The following ZC3H18 variants were observed in gnomAD, a reference collection of about 807,000 sequenced individuals.
ZC3H18 encodes zinc finger CCCH-type containing 18, also known as zinc finger CCCH domain-containing protein 18.
A neutral mutation model predicts 106.1 loss-of-function variants in ZC3H18; 8 were observed. That is an observed-to-expected ratio of 0.08 (90% CI 0.04 to 0.14). ZC3H18 has a LOEUF of 0.14. Among genes scored for constraint, ZC3H18 ranks in the 10% least tolerant of loss-of-function variants. ZC3H18 has a pLI of 1.00. For missense variants in ZC3H18, 1,318 were observed against 1,278.4 expected (o/e 1.03, Z -0.47); for synonymous variants, 635 against 522.1 (o/e 1.22, Z -2.95).
intron 8 of ZC3H18, among the ~76,000 whole-genome samples, chr16:88,613,752 G>A (rs540303150): frequency 1.1e-4 from 16 of 152,298 alleles, no homozygotes; most frequent in African/African-American, 3.6e-4. Context: ...TTCATGATGT[G>A]CAGTTCCAAT....
At chr16:88,578,598 G>A (rs1314382099) in intron 2 of ZC3H18, among the ~76,000 whole-genome samples, 1 of 152,082 alleles carries the variant, frequency 6.6e-6, no homozygotes, top group East Asian at 1.9e-4. Context: ...GCGGTGAAGA[G>A]TGTCTGCCGA....
chr16:88,601,228 T>C (rs2142695892), intron 6 of ZC3H18, among the ~76,000 whole-genome samples: 1 of 152,358 alleles, frequency 6.6e-6, no homozygotes, highest in South Asian at 2.1e-4. Flanking sequence ...AATTAAGTTT[T>C]GTGTGGAATG....
At chr16:88,612,207 G>A in intron 8 of ZC3H18, among the ~76,000 whole-genome samples, 1 of 152,174 alleles carries the variant, frequency 6.6e-6, no homozygotes, top group East Asian at 1.9e-4. Context: ...GGCGTCAGTG[G>A]ACATTAGAGT....
intron 1 of ZC3H18, 135 bp from the exon 2 acceptor site, chr16:88,576,975 G>C: frequency 2.5e-6 from 2 of 809,888 alleles, no homozygotes; most frequent in Non-Finnish European, 3.7e-6. Context: ...TCTGCAGAGT[G>C]GAGTGTGGGA....
intron 2 of ZC3H18, among the ~76,000 whole-genome samples, chr16:88,584,744 T>C (rs1385289662): frequency 2.0e-5 from 3 of 152,344 alleles, no homozygotes; most frequent in South Asian, 2.1e-4. Context: ...GGGTCCTCCC[T>C]CCAATCTTAA....
intron 4 of ZC3H18, 40 bp from the exon 5 acceptor site, chr16:88,598,580 G>A: frequency 6.4e-7 from 1 of 1,574,708 alleles, no homozygotes; most frequent in Non-Finnish European, 8.7e-7. Context: ...ACACTTGAAA[G>A]TTTTACTTTC....
chr16:88,599,753 T>G (rs768789814), intron 5 of ZC3H18, 38 bp from the exon 6 acceptor site: 13 of 1,588,400 alleles, frequency 8.2e-6, no homozygotes, highest in Non-Finnish European at 1.1e-5. Flanking sequence ...CGCCCGGTAT[T>G]CTGTTCCATG....
intron 6 of ZC3H18, among the ~76,000 whole-genome samples, chr16:88,605,645 C>A (rs1347462218): frequency 6.6e-6 from 1 of 152,234 alleles, no homozygotes; most frequent in Non-Finnish European, 1.5e-5. Context: ...TATTGCATAA[C>A]CCTTAGATTA....
intron 12 of ZC3H18, 80 bp downstream of exon 12, chr16:88,624,825 G>T: frequency 6.7e-7 from 1 of 1,496,380 alleles, no homozygotes. Context: ...TGGAAATCCA[G>T]AGTGCCAGGG....
chr16:88,614,653 GT>G (rs1567593986), intron 8 of ZC3H18, among the ~76,000 whole-genome samples: 1 of 152,214 alleles, frequency 6.6e-6, no homozygotes, highest in Non-Finnish European at 1.5e-5. Context: ...TATTTCAGAT[GT>G]TTTTAATCCT....
rs1285997635 is a variant in ZC3H18, at chr16:88,630,759, CCCCCCCACA to C, written c.2663+180_2663+188del. 2.1e-4 allele frequency among the ~76,000 whole-genome samples: 23 copies of C among 107,158 alleles called. 5 individuals are homozygous for C. The highest frequency in any genetic ancestry group is 3.8e-4 in the South Asian group (1 of 2,654). 70.3% of individuals were successfully genotyped at this position (107,158 alleles called of 152,430 possible). ...GCGAATTGCAGCCCCACCCCCCACC[CCCCCCCACA>C]CACACACACACGCTCCTGCCCTGGT... is the stretch of plus-strand genomic sequence containing the variant. On this transcript the variant is annotated intron_variant, in intron 17 of 17. Transcript: ENST00000301011.
At chr16:88,593,176 C>G (rs145615517) in intron 3 of ZC3H18, among the ~76,000 whole-genome samples, 2 of 152,194 alleles carry the variant, frequency 1.3e-5, no homozygotes, top group South Asian at 4.1e-4. Context: ...CATGATGACA[C>G]GGAGGCCCTG....
chr16:88,577,222 G>C lies in ZC3H18; in HGVS notation c.99G>C (p.Gly33=), dbSNP rs2142532514. The C allele has an allele frequency of 6.2e-7, 1 of 1,613,362 alleles. No homozygotes were observed. Among genetic ancestry groups the C allele is most frequent in the East Asian group, 2.2e-5 (1 of 44,880 alleles). Residue 33 remains glycine, a synonymous_variant, in exon 2 of 18, where the codon GGG becomes GGC. Transcript: ENST00000301011. Reference sequence around the variant, plus strand: ...ACGATGACATTCTGAGGGACAGCGGGTCCGATCAGGATTTGGACGGGGCGG... The same window carrying C: ...ACGATGACATTCTGAGGGACAGCGGCTCCGATCAGGATTTGGACGGGGCGG... ...LSDDDILRDS[G]SDQDLDGAGV...
intron 6 of ZC3H18, among the ~76,000 whole-genome samples, chr16:88,607,201 G>C (rs1054409832): frequency 3.9e-5 from 6 of 152,128 alleles, no homozygotes; most frequent in Non-Finnish European, 8.8e-5. Flanking sequence ...GGCGTGCCTG[G>C]GTCTGCCTCT....
At chr16:88,606,212 G>T (rs1905002183) in intron 6 of ZC3H18, among the ~76,000 whole-genome samples, 1 of 152,234 alleles carries the variant, frequency 6.6e-6, no homozygotes, top group Non-Finnish European at 1.5e-5. Flanking sequence ...TTTTTAAATT[G>T]AATTAAATAC....
Position 88,631,502 on chromosome 16 carries a change from C to T in ZC3H18, c.*203C>T. 1.4e-6 allele frequency: 1 copy of T among 714,316 alleles called. No individual in the cohort carries two copies. Among genetic ancestry groups the T allele is most frequent in the Middle Eastern group, 2.4e-4 (1 of 4,236 alleles). The allele number at this position is 714,316 out of a possible 1,614,324, so 44.2% of individuals were successfully genotyped here. A position where few individuals can be genotyped will look rare whatever the true frequency, so the allele number is the denominator to read the frequency against. Reference sequence around the variant, plus strand: ...CTCCCTCCCCAGAGCAGAAGTCCCGCAGGACAGACAGACACAGACAGCGCT... The same window carrying T: ...CTCCCTCCCCAGAGCAGAAGTCCCGTAGGACAGACAGACACAGACAGCGCT... On this transcript the variant is annotated 3_prime_UTR_variant, in exon 18 of 18. Coordinates refer to ENST00000301011, the MANE Select transcript of ZC3H18 (RefSeq NM_144604.4).
rs8043629 is a variant in ZC3H18, at chr16:88,594,954, C to T, written c.689-3224C>T. Reference sequence around the variant, plus strand: ...ATCACCTGAGGTCGCAAGCTCAAGACTAGCCTGACCAACATGGAGAAACCT... The same window carrying T: ...ATCACCTGAGGTCGCAAGCTCAAGATTAGCCTGACCAACATGGAGAAACCT... On this transcript the variant is annotated intron_variant, in intron 3 of 17. Transcript: ENST00000301011. 9.8e-3 allele frequency among the ~76,000 whole-genome samples: 1,493 copies of T among 152,218 alleles called. 34 individuals are homozygous for T. The highest frequency in any genetic ancestry group is 0.035 in the African/African-American group (1,443 of 41,508).
chr16:88,587,088 TG>T, intron 3 of ZC3H18, among the ~76,000 whole-genome samples: 1 of 152,360 alleles, frequency 6.6e-6, no homozygotes, highest in South Asian at 2.1e-4. Flanking sequence ...CCGCTTTTCC[TG>T]CAAGATGTGT....
chr16:88,600,966 C>G (rs1904718601), intron 6 of ZC3H18, among the ~76,000 whole-genome samples: 1 of 152,224 alleles, frequency 6.6e-6, no homozygotes, highest in Admixed American at 6.5e-5. Flanking sequence ...ACTATGATTT[C>G]TATCTGGAGT....
Sources: allele counts gnomAD v4.1 joint callset (sites outside exome capture counted in the v4.1 genomes callset), GRCh38; gene constraint gnomAD v4.1.1; transcripts MANE v1.5; gene names NCBI Gene and HGNC (gene_info 2026-07-23, HGNC 2026-07-21).